The following RABGAP1L variants were observed in gnomAD, a reference collection of about 807,000 sequenced individuals.
RABGAP1L encodes rab GTPase-activating protein 1-like.
In RABGAP1L, 63 loss-of-function variants were observed where a neutral mutation model predicts 137.7. The observed-to-expected ratio is 0.46, with a 90% CI of 0.37 to 0.56. The LOEUF (loss-of-function observed/expected upper bound fraction) is 0.56, where lower values mean the gene tolerates loss of function less well. Among genes scored for constraint, RABGAP1L ranks in the 20% least tolerant of loss-of-function variants. The probability of loss-of-function intolerance (pLI) is 0.00; values close to 1 mark genes in which losing one functional copy is unlikely to be tolerated. For missense variants in RABGAP1L, 1,095 were observed against 1,244.0 expected, an observed-to-expected ratio of 0.88 and a Z score of 1.80; for synonymous variants, 431 against 433.7, an observed-to-expected ratio of 0.99 and a Z score of 0.08.
chr1:174,490,027 AT>A (rs1396578065), intron 13 of RABGAP1L, among the ~76,000 whole-genome samples: 1 of 152,026 alleles, frequency 6.6e-6, no homozygotes, highest in African/African-American at 2.4e-5. Flanking sequence ...CAAAACAGGT[AT>A]TTTGAATTCT....
At chr1:174,710,457 C>T (rs778149730) in intron 17 of RABGAP1L, among the ~76,000 whole-genome samples, 1 of 152,176 alleles carries the variant, frequency 6.6e-6, no homozygotes, top group Non-Finnish European at 1.5e-5. Context: ...AAGGGAAGCC[C>T]ATCAGACTAA....
At chr1:174,725,972 TATA>T (rs1681950251) in intron 17 of RABGAP1L, among the ~76,000 whole-genome samples, 1 of 151,784 alleles carries the variant, frequency 6.6e-6, no homozygotes, top group South Asian at 2.1e-4. Context: ...AAACTTAAAG[TATA>T]ATAATAATAA....
At chr1:174,953,422 G>T (rs992869776) in intron 19 of RABGAP1L, among the ~76,000 whole-genome samples, 1 of 152,126 alleles carries the variant, frequency 6.6e-6, no homozygotes. Context: ...GTTATTGAAG[G>T]TCACTGTTTA....
At chr1:174,465,975 G>A (rs528653618) in intron 13 of RABGAP1L, among the ~76,000 whole-genome samples, 24 of 152,204 alleles carry the variant, frequency 1.6e-4, no homozygotes, top group Non-Finnish European at 2.6e-4. Context: ...TGCAGTTATC[G>A]TTAGCCGCAG....
At chr1:174,734,355 C>T (rs1157120787) in intron 17 of RABGAP1L, among the ~76,000 whole-genome samples, 1 of 151,880 alleles carries the variant, frequency 6.6e-6, no homozygotes, top group South Asian at 2.1e-4. Flanking sequence ...GTATTCAGAG[C>T]AAAAGGTAGT....
intron 13 of RABGAP1L, among the ~76,000 whole-genome samples, chr1:174,611,215 C>G (rs1336486969): frequency 2.7e-5 from 4 of 147,048 alleles, no homozygotes; most frequent in African/African-American, 1.0e-4. Flanking sequence ...TTTTATCCAT[C>G]TTGAATTAAT....
chr1:174,471,519 T>C (rs944751427), intron 13 of RABGAP1L, among the ~76,000 whole-genome samples: 2 of 152,210 alleles, frequency 1.3e-5, no homozygotes, highest in African/African-American at 4.8e-5. Flanking sequence ...GGAAATCTTT[T>C]TCAAAGGAAT....
In RABGAP1L at chr1:174,776,273, C is replaced by A. The variant is rs180679278; in HGVS notation, c.2211+23919C>A. 7.2e-4 allele frequency among the ~76,000 whole-genome samples: 109 copies of A among 152,190 alleles called. 1 individual carries two copies. The highest frequency in any genetic ancestry group is 2.4e-3 in the African/African-American group (101 of 41,516). ...CCTGTAATCCCAGCTACTCGGGAGGCTGAGGCAGGAGAATTGCTTGAACCC... is the reference window on the plus strand; with the variant it reads ...CCTGTAATCCCAGCTACTCGGGAGGATGAGGCAGGAGAATTGCTTGAACCC... On this transcript the variant is annotated intron_variant, in intron 18 of 25. Transcript: ENST00000681986.
chr1:174,517,734 A>G (rs1246206829), intron 13 of RABGAP1L, among the ~76,000 whole-genome samples: 2 of 152,188 alleles, frequency 1.3e-5, no homozygotes. Context: ...CCACTCCTGA[A>G]GAATGTTTGT....
chr1:174,339,940 C>T (rs1196867607), intron 11 of RABGAP1L, among the ~76,000 whole-genome samples: 3 of 152,044 alleles, frequency 2.0e-5, no homozygotes, highest in Non-Finnish European at 2.9e-5. Flanking sequence ...TAAGTTTCAA[C>T]TTTATAGTAA....
intron 13 of RABGAP1L, among the ~76,000 whole-genome samples, chr1:174,558,834 T>TA (rs1210320097): frequency 2.0e-5 from 3 of 152,180 alleles, no homozygotes; most frequent in Non-Finnish European, 2.9e-5. Context: ...GGCAGATACT[T>TA]TCTTTAGTTT....
chr1:174,548,085 G>A, intron 13 of RABGAP1L: 1 of 1,545,808 alleles, frequency 6.5e-7, no homozygotes, highest in Non-Finnish European at 8.7e-7. Context: ...AGCTTAGCAT[G>A]AGTGCTTTCT....
chr1:174,399,033 A>C (rs1174196644), intron 13 of RABGAP1L, among the ~76,000 whole-genome samples: 1 of 152,176 alleles, frequency 6.6e-6, no homozygotes, highest in Non-Finnish European at 1.5e-5. Context: ...TTCTATTGTT[A>C]ATACAGTTAT....
intron 14 of RABGAP1L, among the ~76,000 whole-genome samples, chr1:174,640,861 A>G (rs995522572): frequency 6.6e-6 from 1 of 151,126 alleles, no homozygotes; most frequent in Non-Finnish European, 1.5e-5. Flanking sequence ...TCTAATGATT[A>G]ACCACTAAGA....
At chr1:174,439,622 A>G (rs994145108) in intron 13 of RABGAP1L, among the ~76,000 whole-genome samples, 6 of 152,202 alleles carry the variant, frequency 3.9e-5, no homozygotes, top group African/African-American at 1.4e-4. Flanking sequence ...TCATTTGAAT[A>G]TATTAGGAGG....
chr1:174,387,161 A>C (rs1686862558), intron 12 of RABGAP1L, among the ~76,000 whole-genome samples: 1 of 152,222 alleles, frequency 6.6e-6, no homozygotes, highest in African/African-American at 2.4e-5. Flanking sequence ...TATTTAACAA[A>C]GTAACTGAAA....
At chr1:174,469,914 G>C (rs1007178939) in intron 13 of RABGAP1L, among the ~76,000 whole-genome samples, 1 of 152,028 alleles carries the variant, frequency 6.6e-6, no homozygotes, top group Admixed American at 6.6e-5. Flanking sequence ...AAAGCCTCGT[G>C]GGGAACTAGG....
intron 7 of RABGAP1L, 127 bp from the exon 8 acceptor site, chr1:174,272,286 GA>G (rs889509555): frequency 1.3e-4 from 118 of 892,278 alleles, no homozygotes; most frequent in Admixed American, 8.3e-4. Flanking sequence ...GGTGTTTTTA[GA>G]AAAAAAACTA....
intron 19 of RABGAP1L, among the ~76,000 whole-genome samples, chr1:174,881,492 C>CTTTTTTTT (rs751296977): frequency 1.7e-4 from 15 of 85,824 alleles, no homozygotes; most frequent in East Asian, 1.1e-3. Flanking sequence ...ATATCATTTG[C>CTTTTTTTT]TTTTTTTTTT....
Sources: gnomAD v4.1 joint callset for allele counts (sites outside exome capture counted in the v4.1 genomes callset) on GRCh38, gnomAD v4.1.1 for gene constraint, MANE v1.5 for transcripts, NCBI Gene and HGNC (gene_info 2026-07-23, HGNC 2026-07-21) for gene names.